FRMPD1: variants seen among roughly 807,000 people sequenced by gnomAD.
The protein encoded by FRMPD1 is FERM and PDZ domain-containing protein 1.
FRMPD1 carries 76 observed loss-of-function variants against 117.8 expected under a neutral mutation model. The observed-to-expected ratio is 0.65, with a 90% CI of 0.54 to 0.78. The LOEUF (loss-of-function observed/expected upper bound fraction) is 0.78. Among genes scored for constraint, FRMPD1 ranks in the 30% least tolerant of loss-of-function variants. The pLI is 0.00. For missense variants in FRMPD1, 1,786 were observed against 1,964.5 expected (o/e 0.91, Z 1.72); for synonymous variants, 783 against 770.4 (o/e 1.02, Z -0.27).
the FRMPD1 span, among the ~76,000 whole-genome samples, chr9:37,632,849 G>A: frequency 1.3e-5 from 2 of 151,082 alleles, no homozygotes; most frequent in African/African-American, 2.4e-5. Flanking sequence ...AGTTCTCAAA[G>A]GGAGGGATGC....
intron 12 of FRMPD1, among the ~76,000 whole-genome samples, chr9:37,734,744 ATAGT>A (rs1824045011): frequency 6.6e-6 from 1 of 152,040 alleles, no homozygotes; most frequent in Non-Finnish European, 1.5e-5. Context: ...AGAGCATCAG[ATAGT>A]TAGGGGAAGG....
intron 2 of FRMPD1, among the ~76,000 whole-genome samples, chr9:37,704,588 T>A (rs977363787): frequency 3.3e-5 from 5 of 151,906 alleles, no homozygotes; most frequent in African/African-American, 1.2e-4. Context: ...AGAGCAAGAT[T>A]TAGTCTTTTC....
chr9:37,617,796 C>T, the FRMPD1 span, among the ~76,000 whole-genome samples: 3 of 152,180 alleles, frequency 2.0e-5, no homozygotes, highest in Non-Finnish European at 2.9e-5. Context: ...CTACAGTTTG[C>T]CCCTGTTGTA....
At chr9:37,724,167 C>T (rs1274474524) in intron 6 of FRMPD1, 58 bp from the exon 7 acceptor site, 2 of 871,124 alleles carry the variant, frequency 2.3e-6, no homozygotes. Flanking sequence ...GAGAGAGACC[C>T]TGTCTCCAGA....
chr9:37,623,369 A>C, the FRMPD1 span, among the ~76,000 whole-genome samples: 1 of 152,246 alleles, frequency 6.6e-6, no homozygotes, highest in East Asian at 1.9e-4. Context: ...AAACAAACAC[A>C]AAGAGACTCA....
At chr9:37,709,520 A>T (rs1822834584) in intron 4 of FRMPD1, among the ~76,000 whole-genome samples, 1 of 151,932 alleles carries the variant, frequency 6.6e-6, no homozygotes, top group Non-Finnish European at 1.5e-5. Flanking sequence ...GTACCACTGC[A>T]CTCCAGCCTG....
chr9:37,611,553 T>C, the FRMPD1 span, among the ~76,000 whole-genome samples: 1 of 152,208 alleles, frequency 6.6e-6, no homozygotes, highest in Non-Finnish European at 1.5e-5. Flanking sequence ...TGAAATTAAA[T>C]ATGTGCACTT....
chr9:37,615,937 C>G, the FRMPD1 span, among the ~76,000 whole-genome samples: 1 of 151,486 alleles, frequency 6.6e-6, no homozygotes, highest in African/African-American at 2.4e-5. Flanking sequence ...CTCAGCCTCC[C>G]AAGTAGCTGA....
chr9:37,731,251 GA>G, intron 9 of FRMPD1, 148 bp downstream of exon 9: 1 of 710,830 alleles, frequency 1.4e-6, no homozygotes. Flanking sequence ...TCATCGCTCA[GA>G]ATTCCCTTTT....
At chr9:37,728,752 C>T (rs1272688586) in intron 7 of FRMPD1, among the ~76,000 whole-genome samples, 3 of 152,024 alleles carry the variant, frequency 2.0e-5, no homozygotes, top group African/African-American at 4.8e-5. Context: ...CACCTGAGGT[C>T]GGGAGTTCGA....
chr9:37,632,529 A>G, the FRMPD1 span, among the ~76,000 whole-genome samples: 1 of 152,204 alleles, frequency 6.6e-6, no homozygotes, highest in Non-Finnish European at 1.5e-5. Flanking sequence ...TCTTCTGCGT[A>G]GGCTTTATTC....
At chr9:37,674,528 TCAGCAAC>T (rs1821458985) in intron 1 of FRMPD1, among the ~76,000 whole-genome samples, 1 of 152,178 alleles carries the variant, frequency 6.6e-6, no homozygotes, top group Non-Finnish European at 1.5e-5. Context: ...GGGTATCTTT[TCAGCAAC>T]ACCCCACTCT....
intron 1 of FRMPD1, among the ~76,000 whole-genome samples, chr9:37,684,996 C>T (rs537165024): frequency 3.0e-4 from 46 of 152,206 alleles, no homozygotes; most frequent in Admixed American, 6.5e-4. Flanking sequence ...TTAAGCAATC[C>T]TCCCTGCTCA....
chr9:37,733,567 AGGAACCAGAATTTGCT>A lies in FRMPD1; in HGVS notation c.1097_1112del (p.Gln366ProfsTer14). The A allele has an allele frequency of 6.2e-7, 1 of 1,613,986 alleles. No individual in the cohort carries two copies. ...GAAAGCCATTAGCTTCCACATGAAG[AGGAACCAGAATTTGCT>A]GGAACCCCGACAGAAGGTAATGAAG... On this transcript the variant is annotated frameshift_variant, in exon 11 of 16. Transcript: ENST00000377765. LOFTEE classifies it high-confidence loss of function.
the FRMPD1 span, among the ~76,000 whole-genome samples, chr9:37,630,255 A>G: frequency 1.9e-4 from 29 of 152,192 alleles, 1 homozygote; most frequent in Admixed American, 9.2e-4. Flanking sequence ...TGAGATTGGA[A>G]TATGTCTTAC....
At chr9:37,685,456 A>G (rs908614676) in intron 1 of FRMPD1, among the ~76,000 whole-genome samples, 37 of 152,154 alleles carry the variant, frequency 2.4e-4, no homozygotes, top group Admixed American at 6.5e-4. Context: ...ATCCTGGCTA[A>G]CACGGTGAAA....
the FRMPD1 span, among the ~76,000 whole-genome samples, chr9:37,617,791 G>C: frequency 6.6e-6 from 1 of 152,322 alleles, no homozygotes; most frequent in African/African-American, 2.4e-5. Context: ...GGTCCCTACA[G>C]TTTGCCCCTG....
intron 1 of FRMPD1, among the ~76,000 whole-genome samples, chr9:37,682,967 C>G (rs1181057141): frequency 2.6e-5 from 4 of 152,196 alleles, no homozygotes; most frequent in Non-Finnish European, 2.9e-5. Context: ...GTGCAGCTAT[C>G]ACCACTGTCT....
At chr9:37,628,906 C>T in the FRMPD1 span, among the ~76,000 whole-genome samples, 2 of 152,122 alleles carry the variant, frequency 1.3e-5, no homozygotes, top group African/African-American at 4.8e-5. Context: ...GTTAGAAATT[C>T]TACTATATCA....
Sources: allele counts gnomAD v4.1 joint callset (sites outside exome capture counted in the v4.1 genomes callset), GRCh38; gene constraint gnomAD v4.1.1; transcripts MANE v1.5; gene names NCBI Gene and HGNC (gene_info 2026-07-23, HGNC 2026-07-21).